The following SHISA9 variants were observed in gnomAD, a reference collection of about 807,000 sequenced individuals.
SHISA9 encodes the protein shisa family member 9.
SHISA9 carries 13 observed loss-of-function variants against 38.0 expected under a neutral mutation model. The observed-to-expected ratio is 0.34, with a 90% CI of 0.22 to 0.54. The LOEUF is 0.54. Ranked by LOEUF, SHISA9 falls within the 20% of genes least tolerant of loss-of-function variation. SHISA9 has a pLI of 0.91. For missense variants in SHISA9, 538 were observed against 575.8 expected, an observed-to-expected ratio of 0.93 and a Z score of 0.67; for synonymous variants, 275 against 242.0, an observed-to-expected ratio of 1.14 and a Z score of -1.27.
At chr16:13,428,293 A>AAGAG in the SHISA9 span, among the ~76,000 whole-genome samples, 6 of 150,982 alleles carry the variant, frequency 4.0e-5, no homozygotes, top group East Asian at 7.8e-4. Context: ...AAAACAAAGA[A>AAGAG]AGAGAGAGAG....
intron 2 of SHISA9, among the ~76,000 whole-genome samples, chr16:13,043,513 C>T (rs1186750680): frequency 6.6e-6 from 1 of 152,204 alleles, no homozygotes; most frequent in African/African-American, 2.4e-5. Context: ...TTTGCCATGA[C>T]ATTTAATGCA....
At chr16:12,984,298 C>T (rs557714406) in intron 2 of SHISA9, among the ~76,000 whole-genome samples, 6 of 152,164 alleles carry the variant, frequency 3.9e-5, no homozygotes, top group South Asian at 2.1e-4. Flanking sequence ...AAAATTGAAG[C>T]CCCTGTAATG....
At chr16:13,197,104 T>TATACACACACACACACACAC (rs748572860) in intron 2 of SHISA9, among the ~76,000 whole-genome samples, 1 of 106,580 alleles carries the variant, frequency 9.4e-6, no homozygotes, top group Non-Finnish European at 1.9e-5. Context: ...TCTCTGTACA[T>TATACACACACACACACACAC]ACACACACAC....
chr16:12,964,816 G>C (rs946779109), intron 2 of SHISA9, among the ~76,000 whole-genome samples: 1 of 152,118 alleles, frequency 6.6e-6, no homozygotes, highest in Non-Finnish European at 1.5e-5. Flanking sequence ...AAGCATGAGG[G>C]AAACATAATT....
At chr16:13,133,398 G>C (rs776715874) in intron 2 of SHISA9, among the ~76,000 whole-genome samples, 1 of 152,176 alleles carries the variant, frequency 6.6e-6, no homozygotes, top group Admixed American at 6.5e-5. Context: ...AGTTTGGTAA[G>C]TAGTGGGCTG....
At chr16:12,922,381 A>G (rs570879686) in intron 2 of SHISA9, among the ~76,000 whole-genome samples, 1 of 152,214 alleles carries the variant, frequency 6.6e-6, no homozygotes, top group Non-Finnish European at 1.5e-5. Context: ...GTTGTGCTTC[A>G]TGCCTACAGC....
the SHISA9 span, among the ~76,000 whole-genome samples, chr16:13,477,223 C>T: frequency 6.6e-6 from 1 of 152,250 alleles, no homozygotes; most frequent in Non-Finnish European, 1.5e-5. Context: ...AAAATATAAT[C>T]ATAAACAATT....
rs146159423 is a variant in SHISA9 at position 13,193,433 on chromosome 16, C to A, written c.692-9961C>A. Among the ~76,000 whole-genome samples, 10 of 152,248 alleles carry A rather than the reference C, an allele frequency of 6.6e-5. No individual in the cohort carries two copies. The East Asian group carries it at 1.2e-3, about 18-fold the overall frequency. On this transcript the variant is annotated intron_variant, in intron 2 of 4. Coordinates refer to ENST00000558583, the MANE Select transcript of SHISA9 (RefSeq NM_001145204.3). Reference sequence around the variant, plus strand: ...GTGGCATAATCTCAGCTCACTGTGACCTCTGCCTCCTGGGTTCAAGCGATT... The same window carrying A: ...GTGGCATAATCTCAGCTCACTGTGAACTCTGCCTCCTGGGTTCAAGCGATT...
chr16:13,327,651 G>A, the SHISA9 span, among the ~76,000 whole-genome samples: 1 of 152,012 alleles, frequency 6.6e-6, no homozygotes, highest in Non-Finnish European at 1.5e-5. Context: ...CTTTCTTTGA[G>A]CCTCAAGATT....
At chr16:13,103,041 C>A (rs543248414) in intron 2 of SHISA9, among the ~76,000 whole-genome samples, 1 of 152,166 alleles carries the variant, frequency 6.6e-6, no homozygotes, top group Non-Finnish European at 1.5e-5. Context: ...TCTCTTTGAA[C>A]ACATTTTCTC....
the SHISA9 span, among the ~76,000 whole-genome samples, chr16:13,434,032 G>A: frequency 0.31 from 46,826 of 152,028 alleles, 7,690 homozygotes; most frequent in East Asian, 0.5. Flanking sequence ...TACCCAGTAC[G>A]AGTCCCAAAA....
chr16:13,277,782 A>G, the SHISA9 span, among the ~76,000 whole-genome samples: 2 of 152,072 alleles, frequency 1.3e-5, no homozygotes, highest in African/African-American at 4.8e-5. Flanking sequence ...ATATCCAGAA[A>G]CTTTGCTGAA....
At chr16:13,117,755 G>C (rs1439054745) in intron 2 of SHISA9, among the ~76,000 whole-genome samples, 1 of 152,162 alleles carries the variant, frequency 6.6e-6, no homozygotes, top group African/African-American at 2.4e-5. Flanking sequence ...GAGGAAAAAA[G>C]TTCTGCTGTT....
At chr16:13,118,421 T>G (rs204039) in intron 2 of SHISA9, among the ~76,000 whole-genome samples, 63,213 of 151,928 alleles carry the variant, frequency 0.42, 15,057 homozygotes, top group African/African-American at 0.66. Context: ...ATTAGAGAAA[T>G]CAACATGCAC....
intron 2 of SHISA9, among the ~76,000 whole-genome samples, chr16:13,170,015 C>T (rs920831434): frequency 3.3e-5 from 5 of 151,984 alleles, no homozygotes; most frequent in African/African-American, 1.2e-4. Context: ...CCAGCATGGC[C>T]AACATGGCGA....
the SHISA9 span, among the ~76,000 whole-genome samples, chr16:13,492,000 G>A: frequency 2.2e-4 from 34 of 151,548 alleles, no homozygotes; most frequent in African/African-American, 7.5e-4. Flanking sequence ...TTAAACCAGA[G>A]CTAGTGACCT....
intron 4 of SHISA9, among the ~76,000 whole-genome samples, chr16:13,232,696 G>A (rs1043421425): frequency 6.6e-6 from 1 of 152,194 alleles, no homozygotes; most frequent in Non-Finnish European, 1.5e-5. Context: ...CGAAGGGGAT[G>A]GTGAGTGGGG....
chr16:13,068,300 T>G (rs1363181186), intron 2 of SHISA9, among the ~76,000 whole-genome samples: 1 of 152,226 alleles, frequency 6.6e-6, no homozygotes, highest in African/African-American at 2.4e-5. Flanking sequence ...GAGCCAACAG[T>G]AGTCATTCTT....
At chr16:12,929,832 C>T (rs984447149) in intron 2 of SHISA9, among the ~76,000 whole-genome samples, 3 of 152,084 alleles carry the variant, frequency 2.0e-5, no homozygotes, top group Non-Finnish European at 2.9e-5. Flanking sequence ...TTTAAATGTC[C>T]CAGAATTGCT....
Sources: gnomAD v4.1 joint callset for allele counts (sites outside exome capture counted in the v4.1 genomes callset) on GRCh38, gnomAD v4.1.1 for gene constraint, MANE v1.5 for transcripts, NCBI Gene and HGNC (gene_info 2026-07-23, HGNC 2026-07-21) for gene names.